MAPKAPK2: variants seen among roughly 807,000 people sequenced by gnomAD.
MAPKAPK2 encodes MAPK activated protein kinase 2.
A neutral mutation model predicts 48.8 loss-of-function variants in MAPKAPK2; 9 were observed. That is an observed-to-expected ratio of 0.18 (90% confidence interval 0.11 to 0.32). The LOEUF is 0.32. Among genes scored for constraint, MAPKAPK2 ranks in the 10% least tolerant of loss-of-function variants. MAPKAPK2 has a pLI of 1.00. For missense variants in MAPKAPK2, 331 were observed against 498.3 expected (o/e 0.66, Z 3.20); for synonymous variants, 202 against 190.6 (o/e 1.06, Z -0.49).
chr1:206,727,597 T>G (rs1673741901), intron 1 of MAPKAPK2, among the ~76,000 whole-genome samples: 1 of 152,100 alleles, frequency 6.6e-6, no homozygotes, highest in South Asian at 2.1e-4. Flanking sequence ...ACATTTCTTG[T>G]GCTCCCTTTA....
intron 1 of MAPKAPK2, among the ~76,000 whole-genome samples, chr1:206,712,983 C>CACACACACACACACAT: frequency 6.6e-6 from 1 of 151,148 alleles, no homozygotes; most frequent in African/African-American, 2.4e-5. Context: ...CACACACACA[C>CACACACACACACACAT]ACACACACAC....
At chr1:206,696,072 C>T (rs1672615382) in intron 1 of MAPKAPK2, 1 of 1,076,752 alleles carries the variant, frequency 9.3e-7, no homozygotes, top group Admixed American at 1.7e-5. Flanking sequence ...GAGGATTCAT[C>T]TCACCTGCCT....
At chr1:206,729,729 T>G (rs1294411266) in intron 4 of MAPKAPK2, among the ~76,000 whole-genome samples, 1 of 147,696 alleles carries the variant, frequency 6.8e-6, no homozygotes, top group Non-Finnish European at 1.5e-5. Flanking sequence ...TCTTGGTTTC[T>G]CTGTTCCTGT....
chr1:206,731,881 G>C lies in MAPKAPK2; in HGVS notation c.1021G>C (p.Val341Leu). Residue 341 changes from valine (V) to leucine (L), a missense_variant, in exon 9 of 10, where the codon GTC (valine) becomes CTC (leucine). Val to Leu is a conservative substitution (Grantham distance 32). Around this residue, in one of 4 missense-constraint regions of MAPKAPK2, gnomAD observed 124 missense variants for 194.6 expected, o/e 0.64. Coordinates refer to ENST00000367103, the MANE Select transcript of MAPKAPK2 (RefSeq NM_032960.4). This position sits in a 1 kb window ranked among gnomAD's most constrained non-coding sequence, Gnocchi z 5.9. Reference protein sequence around the residue: ...VPQTPLHTSRVLKEDKERWED... With the variant: ...VPQTPLHTSRLLKEDKERWED... Reference sequence around the variant, plus strand: ...TCAAACCCCACTGCACACCAGCCGGGTCCTGAAGGAGGACAAGGAGCGGTG... The same window carrying C: ...TCAAACCCCACTGCACACCAGCCGGCTCCTGAAGGAGGACAAGGAGCGGTG... 6.2e-7 allele frequency: 1 copy of C among 1,614,142 alleles called. No individual in the cohort carries two copies. The highest frequency in any genetic ancestry group is 8.5e-7 in the Non-Finnish European group (1 of 1,180,024).
chr1:206,695,770 C>T, intron 1 of MAPKAPK2: 1 of 199,976 alleles, frequency 5.0e-6, no homozygotes, highest in Non-Finnish European at 9.2e-6. Context: ...CTCTCTCTCT[C>T]TCTTTTTTTT....
intron 1 of MAPKAPK2, among the ~76,000 whole-genome samples, chr1:206,720,421 G>T (rs1418691789): frequency 6.6e-6 from 1 of 152,140 alleles, no homozygotes; most frequent in African/African-American, 2.4e-5. Flanking sequence ...CTGGAGTGCA[G>T]GCTCACTACA....
At chr1:206,688,183 G>C (rs1195986927) in intron 1 of MAPKAPK2, among the ~76,000 whole-genome samples, 1 of 152,204 alleles carries the variant, frequency 6.6e-6, no homozygotes, top group Non-Finnish European at 1.5e-5. Context: ...AGTCAGAGTT[G>C]CAAGGGACTT....
rs550332961 is a variant in MAPKAPK2, at chr1:206,726,157, G to A, written c.280-2553G>A. 5.9e-5 allele frequency among the ~76,000 whole-genome samples: 9 copies of A among 152,318 alleles called. 1 individual carries two copies. The highest frequency in any genetic ancestry group is 2.2e-4 in the African/African-American group (9 of 41,564). On this transcript the variant is annotated intron_variant, in intron 1 of 9. Coordinates refer to ENST00000367103, the MANE Select transcript of MAPKAPK2 (RefSeq NM_032960.4). ...TCCCAGCACATTGGGAGGCCAAGGT[G>A]GGGTATCACTTGAGACCAGGAGTTC...
At chr1:206,696,554 G>A (rs530251341) in intron 1 of MAPKAPK2, among the ~76,000 whole-genome samples, 34 of 152,202 alleles carry the variant, frequency 2.2e-4, no homozygotes, top group African/African-American at 7.7e-4. Context: ...AATTAAAAAG[G>A]TTAGCCAGCT....
chr1:206,730,064 T>C lies in MAPKAPK2; in HGVS notation c.657T>C (p.Ser219=), dbSNP rs782496138. ...GFAKETTSHN[S]LTTPCYTPYY... is the part of the protein sequence containing the mutation. ...CCAAGGAAACCACCAGCCACAACTC[T>C]TTGACCACTCCTTGTTATACACCGT... The change falls in exon 5 of 10, where the codon TCT becomes TCC. Residue 219 remains serine (S), a synonymous_variant. Transcript: ENST00000367103. 7.4e-6 allele frequency: 12 copies of C among 1,614,276 alleles called. No individual in the cohort carries two copies. The South Asian group carries it at 1.3e-4, about 18-fold the overall frequency.
At chr1:206,690,174 A>G (rs944254413) in intron 1 of MAPKAPK2, among the ~76,000 whole-genome samples, 2 of 152,234 alleles carry the variant, frequency 1.3e-5, no homozygotes, top group Non-Finnish European at 2.9e-5. Context: ...GGTGTCAAAA[A>G]AGGTTAGGAA....
At chr1:206,706,110 T>A (rs1475572072) in intron 1 of MAPKAPK2, among the ~76,000 whole-genome samples, 6 of 144,624 alleles carry the variant, frequency 4.1e-5, no homozygotes, top group African/African-American at 1.0e-4. Flanking sequence ...GGATTTCCTA[T>A]CTCTTATTTA....
rs7519938 is a variant in MAPKAPK2 at position 206,731,132 on chromosome 1, A to G, written c.768-6A>G. 1.6e-3 allele frequency: 2,628 copies of G among 1,614,084 alleles called. 40 individuals are homozygous for G. The African/African-American group carries it at 0.032, about 20-fold the overall frequency. Reference sequence around the variant, plus strand: ...GTCTCCCACTTCCTTCCTCCTGTTGATGCAGGCTGTGTGGGTATCCCCCCT... The same window carrying G: ...GTCTCCCACTTCCTTCCTCCTGTTGGTGCAGGCTGTGTGGGTATCCCCCCT... On this transcript the variant is annotated splice_polypyrimidine_tract_variant and splice_region_variant and intron_variant, in intron 6 of 9. Coordinates refer to ENST00000367103, the MANE Select transcript of MAPKAPK2 (RefSeq NM_032960.4). This position sits in a 1 kb window ranked among gnomAD's most constrained non-coding sequence, Gnocchi z 5.9.
At chr1:206,710,534 G>C (rs1316694839) in intron 1 of MAPKAPK2, among the ~76,000 whole-genome samples, 1 of 152,204 alleles carries the variant, frequency 6.6e-6, no homozygotes, top group African/African-American at 2.4e-5. Context: ...AGACTAGATA[G>C]CTGACTGTGG....
chr1:206,694,480 C>T (rs1553426718), intron 1 of MAPKAPK2, among the ~76,000 whole-genome samples: 1 of 152,228 alleles, frequency 6.6e-6, no homozygotes, highest in African/African-American at 2.4e-5. Context: ...ACAGAAGGAG[C>T]CCCTGTCCTC....
At chr1:206,696,323 A>G in intron 1 of MAPKAPK2, 1 of 802,562 alleles carries the variant, frequency 1.2e-6, no homozygotes, top group Non-Finnish European at 2.2e-6. Context: ...CTCTTTAGAT[A>G]TCGGATTGGA....
chr1:206,732,796 A>G lies in MAPKAPK2; in HGVS notation c.*78A>G. 1 of 1,509,226 alleles carries G rather than the reference A, an allele frequency of 6.6e-7. No homozygotes were observed. Among genetic ancestry groups the G allele is most frequent in the Non-Finnish European group, 9.1e-7 (1 of 1,101,146 alleles). The allele number at this position is 1,509,226 out of a possible 1,614,324, so 93.5% of individuals were successfully genotyped here. A position where few individuals can be genotyped will look rare whatever the true frequency, so the allele number is the denominator to read the frequency against. On this transcript the variant is annotated 3_prime_UTR_variant, in exon 10 of 10. Coordinates refer to ENST00000367103, the MANE Select transcript of MAPKAPK2 (RefSeq NM_032960.4). The surrounding 1 kb of genome is among the most constrained non-coding windows in gnomAD (Gnocchi z 4.4). ...TATATTTTTTAAACGAAGAGACAGAACTGTCCACATCTGCCTCCTCTCCTC... is the reference window on the plus strand; with the variant it reads ...TATATTTTTTAAACGAAGAGACAGAGCTGTCCACATCTGCCTCCTCTCCTC...
chr1:206,726,737 T>C (rs2102411987), intron 1 of MAPKAPK2, among the ~76,000 whole-genome samples: 1 of 152,368 alleles, frequency 6.6e-6, no homozygotes, highest in Admixed American at 6.5e-5. Flanking sequence ...GGCATGCTAC[T>C]TCTCTGAGCC....
intron 1 of MAPKAPK2, among the ~76,000 whole-genome samples, chr1:206,711,462 GC>G (rs1212544689): frequency 7.9e-5 from 12 of 151,984 alleles, no homozygotes; most frequent in Non-Finnish European, 1.6e-4. Context: ...TGTTGGCTAG[GC>G]TGGTCTCGAA....
Sources: gnomAD v4.1 joint callset for allele counts (sites outside exome capture counted in the v4.1 genomes callset) on GRCh38, gnomAD v4.1.1 for gene constraint, gnomAD v4.1.1 regional missense constraint, Gnocchi (gnomAD v3.1) non-coding constraint, MANE v1.5 for transcripts, NCBI Gene and HGNC (gene_info 2026-07-23, HGNC 2026-07-21) for gene names.